AMD1: variants seen among roughly 807,000 people sequenced by gnomAD.
AMD1 encodes the protein adenosylmethionine decarboxylase 1, also known as S-adenosylmethionine decarboxylase proenzyme.
Under a neutral mutation model 40.2 loss-of-function variants are expected in AMD1, and 11 were observed. That is an observed-to-expected ratio of 0.27 (90% CI 0.17 to 0.45). AMD1 has a LOEUF of 0.45. Among genes scored for constraint, AMD1 ranks in the 20% least tolerant of loss-of-function variants. AMD1 has a pLI of 1.00. For synonymous variants in AMD1, 121 were observed against 130.8 expected, an observed-to-expected ratio of 0.93 and a Z score of 0.51; for missense variants, 257 against 410.2, an observed-to-expected ratio of 0.63 and a Z score of 3.23.
chr6:110,814,725 T>C, the AMD1 span: 1 of 607,212 alleles, frequency 1.6e-6, no homozygotes, highest in Non-Finnish European at 3.1e-6. Context: ...CGGTCCCAAC[T>C]CGAGTCCCCC....
chr6:110,891,900 G>T (rs777953817), intron 4 of AMD1: 6 of 473,782 alleles, frequency 1.3e-5, no homozygotes, highest in Non-Finnish European at 1.5e-5. Context: ...GTGCCAACAC[G>T]CCCAGCTACT....
the AMD1 span, chr6:110,814,714 G>A: frequency 5.1e-6 from 3 of 590,118 alleles, no homozygotes; most frequent in East Asian, 3.8e-5. Context: ...CTCCTCCACC[G>A]CGGTCCCAAC....
the AMD1 span, among the ~76,000 whole-genome samples, chr6:110,853,547 T>A: frequency 6.6e-6 from 1 of 152,108 alleles, no homozygotes; most frequent in Non-Finnish European, 1.5e-5. Flanking sequence ...GACCTCATGA[T>A]CCGCCTGCCT....
At chr6:110,836,035 A>AAAAAAAC in the AMD1 span, among the ~76,000 whole-genome samples, 1 of 151,582 alleles carries the variant, frequency 6.6e-6, no homozygotes, top group African/African-American at 2.4e-5. Context: ...AAAAAAAAAA[A>AAAAAAAC]AATCACTGAA....
At chr6:110,845,103 G>T in the AMD1 span, among the ~76,000 whole-genome samples, 1 of 139,532 alleles carries the variant, frequency 7.2e-6, no homozygotes. Context: ...GCAATGGCAT[G>T]ATCTCAGCTC....
the AMD1 span, among the ~76,000 whole-genome samples, chr6:110,840,363 C>T: frequency 6.6e-6 from 1 of 151,884 alleles, no homozygotes; most frequent in Non-Finnish European, 1.5e-5. Context: ...CCTTCACAAA[C>T]CAGTCCCAAG....
intron 1 of AMD1, among the ~76,000 whole-genome samples, chr6:110,885,299 G>T (rs900197246): frequency 1.3e-5 from 2 of 152,290 alleles, no homozygotes; most frequent in East Asian, 1.9e-4. Context: ...TTTTAGTAGA[G>T]ATGGGGTTTC....
At chr6:110,884,129 A>C (rs1255195674) in intron 1 of AMD1, among the ~76,000 whole-genome samples, 1 of 152,248 alleles carries the variant, frequency 6.6e-6, no homozygotes, top group East Asian at 1.9e-4. Context: ...GGTGGCAAAT[A>C]AGTGGGGCAG....
intron 2 of AMD1, 184 bp from the exon 3 acceptor site, chr6:110,888,673 A>G: frequency 2.1e-6 from 1 of 470,378 alleles, no homozygotes; most frequent in Non-Finnish European, 3.7e-6. Context: ...AATGCTTACC[A>G]TGTGCCAAGC....
In AMD1 at chr6:110,894,277, G is replaced by A. The variant is rs1056124685; in HGVS notation, c.*661G>A. ...CTTTGATTTCTTCCCTCTCCCTGGT[G>A]TCTCCCCCAAGACCCCAAATAAAGC... On this transcript the variant is annotated 3_prime_UTR_variant, in exon 9 of 9. Coordinates refer to ENST00000368885, the MANE Select transcript of AMD1 (RefSeq NM_001634.6). The A allele has an allele frequency of 2.0e-5, 3 of 152,658 alleles. No homozygotes were observed. The highest frequency in any genetic ancestry group is 6.5e-5 in the Admixed American group (1 of 15,282). 9.5% of individuals were successfully genotyped at this position (152,658 alleles called of 1,614,324 possible).
the AMD1 span, among the ~76,000 whole-genome samples, chr6:110,829,716 C>T: frequency 1.3e-5 from 2 of 150,702 alleles, no homozygotes; most frequent in East Asian, 2.0e-4. Flanking sequence ...CATGGTGGCA[C>T]GAGCCTGTAG....
the AMD1 span, among the ~76,000 whole-genome samples, chr6:110,838,911 G>T: frequency 6.6e-6 from 1 of 152,112 alleles, no homozygotes; most frequent in Non-Finnish European, 1.5e-5. Context: ...TGGGATTATA[G>T]GCGCTTGCCA....
At chr6:110,830,101 A>G in the AMD1 span, among the ~76,000 whole-genome samples, 1 of 151,438 alleles carries the variant, frequency 6.6e-6, no homozygotes, top group Non-Finnish European at 1.5e-5. Flanking sequence ...TGCAACCTCC[A>G]CCTCCTGGGT....
the AMD1 span, among the ~76,000 whole-genome samples, chr6:110,848,921 G>A: frequency 6.7e-6 from 1 of 149,198 alleles, no homozygotes; most frequent in Non-Finnish European, 1.5e-5. Flanking sequence ...TAAGGCAAGA[G>A]GATTGAGCCA....
chr6:110,851,515 T>A, the AMD1 span, among the ~76,000 whole-genome samples: 1 of 151,802 alleles, frequency 6.6e-6, no homozygotes. Flanking sequence ...CAGGCTGGAG[T>A]CCATTGGCAC....
chr6:110,884,396 G>A (rs1178284379), intron 1 of AMD1, among the ~76,000 whole-genome samples: 5 of 152,196 alleles, frequency 3.3e-5, no homozygotes, highest in Non-Finnish European at 7.4e-5. Flanking sequence ...AAGGTGACAT[G>A]GACCAAGACT....
chr6:110,880,386 A>G (rs2115280667), intron 1 of AMD1, among the ~76,000 whole-genome samples: 1 of 152,198 alleles, frequency 6.6e-6, no homozygotes, highest in African/African-American at 2.4e-5. Flanking sequence ...TTCAAGTTCC[A>G]TTTGTCTGTT....
the AMD1 span, among the ~76,000 whole-genome samples, chr6:110,820,333 T>A: frequency 7.1e-4 from 108 of 151,112 alleles, no homozygotes; most frequent in African/African-American, 2.5e-3. Flanking sequence ...ACCTCCCAGG[T>A]TCAAGCGATT....
At chr6:110,854,225 A>C in the AMD1 span, among the ~76,000 whole-genome samples, 1 of 152,174 alleles carries the variant, frequency 6.6e-6, no homozygotes, top group Non-Finnish European at 1.5e-5. Context: ...ATTCTTTAGC[A>C]CTGGTGGTAC....
Sources: allele counts gnomAD v4.1 joint callset (sites outside exome capture counted in the v4.1 genomes callset), GRCh38; gene constraint gnomAD v4.1.1; transcripts MANE v1.5; gene names NCBI Gene and HGNC (gene_info 2026-07-23, HGNC 2026-07-21).